HAUS4: variants seen among roughly 807,000 people sequenced by gnomAD.
The protein encoded by HAUS4 is HAUS augmin-like complex subunit 4.
HAUS4 carries 34 observed loss-of-function variants against 50.6 expected under a neutral mutation model. The observed-to-expected ratio is 0.67, with a 90% CI of 0.51 to 0.90. The LOEUF (loss-of-function observed/expected upper bound fraction) is 0.90. Ranked by LOEUF, HAUS4 falls within the 40% of genes least tolerant of loss-of-function variation. HAUS4 has a pLI of 0.00. For missense variants in HAUS4, 370 were observed against 428.7 expected (o/e 0.86, Z 1.21); for synonymous variants, 149 against 161.4 (o/e 0.92, Z 0.58).
chr14:22,948,597 G>A (rs910731601), intron 6 of HAUS4, among the ~76,000 whole-genome samples: 30 of 151,498 alleles, frequency 2.0e-4, no homozygotes, highest in African/African-American at 5.1e-4. Flanking sequence ...GTGCAGTGGC[G>A]CGATCTCAGC....
At position 22,948,562 on chromosome 14, in the gene HAUS4, G is replaced by A. The variant is rs113943705; in HGVS notation, c.563-549C>T. On this transcript the variant is annotated intron_variant, in intron 6 of 9. Transcript: ENST00000541587. ...ATTCTTTTTATTTTTTTGAGACGGAGTCTCTCACTGTCACCTCGGCCGGAG... is the reference window on the plus strand; with the variant it reads ...ATTCTTTTTATTTTTTTGAGACGGAATCTCTCACTGTCACCTCGGCCGGAG... 1.4e-3 allele frequency among the ~76,000 whole-genome samples: 212 copies of A among 151,348 alleles called. 1 individual carries two copies. Among genetic ancestry groups the A allele is most frequent in the African/African-American group, 4.9e-3 (202 of 41,288 alleles).
chr14:22,955,257 T>A lies in HAUS4; in HGVS notation c.-22-81A>T, dbSNP rs2044839153. The A allele has an allele frequency of 3.4e-6, 3 of 877,750 alleles. No homozygotes were observed. In the Middle Eastern group the frequency reaches 6.6e-4, roughly 192 times the overall value. 54.4% of individuals were successfully genotyped at this position (877,750 alleles called of 1,614,324 possible). ...CAAGGACACTACCTTATGTTCAAAT[T>A]TCTGCTGTCCACAAGCTGGAAAGGA... On this transcript the variant is annotated intron_variant, in intron 1 of 9. Coordinates refer to ENST00000541587, the MANE Select transcript of HAUS4 (RefSeq NM_001166269.2).
intron 2 of HAUS4, among the ~76,000 whole-genome samples, chr14:22,953,767 C>T (rs1367634692): frequency 3.3e-5 from 5 of 151,788 alleles, no homozygotes; most frequent in Non-Finnish European, 5.9e-5. Flanking sequence ...ACTACAGGCA[C>T]CCGCCACCAC....
chr14:22,955,490 C>T (rs1437836427), intron 1 of HAUS4: 2 of 225,728 alleles, frequency 8.9e-6, no homozygotes, highest in African/African-American at 2.3e-5. Context: ...GAGGATTCTC[C>T]ACCACCACCA....
chr14:22,948,062 C>T, intron 6 of HAUS4, 49 bp from the exon 7 acceptor site: 2 of 1,517,644 alleles, frequency 1.3e-6, no homozygotes, highest in Non-Finnish European at 1.8e-6. Context: ...TCGCTACAAT[C>T]CCTGTAAAGC....
chr14:22,950,345 G>C lies in HAUS4; in HGVS notation c.531C>G (p.Phe177Leu). The C allele has an allele frequency of 6.2e-7, 1 of 1,611,844 alleles. No individual in the cohort carries two copies. The highest frequency in any genetic ancestry group is 8.5e-7 in the Non-Finnish European group (1 of 1,177,984). ...TGGGATCATAGTAGCAGAGCAGAGT[G>C]AAACATTTCTTTTTGAGCTGCTCCT... Reference protein sequence around the residue: ...EVEEQLKKKCFTLLCYYDPNS... With the variant: ...EVEEQLKKKCLTLLCYYDPNS... The change falls in exon 6 of 10, where the codon TTC becomes TTG. Residue 177 changes from phenylalanine to leucine, a missense_variant. Transcript: ENST00000541587.
In HAUS4 at chr14:22,952,543, G is replaced by A; in HGVS notation, c.196C>T (p.Gln66Ter). ...LSLTLAKEQA[Q>*]AWKEVRLHKT... ...ATCTCTTCTCCCAAAGCCCTTACCT[G>A]AGCCTGCTCCTTTGCTAGGGTGAGG... Residue 66 changes from glutamine to a stop codon, truncating the protein, a stop_gained and splice_region_variant, in exon 3 of 10, where the codon CAG (glutamine) becomes TAG (stop). Transcript: ENST00000541587. LOFTEE classifies it high-confidence loss of function. The A allele has an allele frequency of 6.2e-7, 1 of 1,612,876 alleles. No individual in the cohort carries two copies. The highest frequency in any genetic ancestry group is 1.1e-5 in the South Asian group (1 of 90,960).
In HAUS4 at chr14:22,947,503, G is replaced by A; in HGVS notation, c.839+98C>T. The A allele has an allele frequency of 4.5e-6, 6 of 1,322,232 alleles. No individual in the cohort carries two copies. The South Asian group carries it at 8.1e-5, about 18-fold the overall frequency. 81.9% of individuals were successfully genotyped at this position (1,322,232 alleles called of 1,614,324 possible). A position where few individuals can be genotyped will look rare whatever the true frequency, so the allele number is the denominator to read the frequency against. ...TGTGACATTTACTGGATACCCACAA[G>A]GCGCTAGGATAAGGGAGAGGAAAGA... On this transcript the variant is annotated intron_variant, in intron 8 of 9. Coordinates refer to ENST00000541587, the MANE Select transcript of HAUS4 (RefSeq NM_001166269.2).
chr14:22,948,301 A>T (rs2044681568), intron 6 of HAUS4: 2 of 330,450 alleles, frequency 6.1e-6, no homozygotes, highest in South Asian at 1.1e-4. Context: ...AAATTCTAAA[A>T]TATTAGTTAG....
chr14:22,955,068 T>C (rs1381432376), intron 2 of HAUS4, 32 bp downstream of exon 2: 3 of 1,511,294 alleles, frequency 2.0e-6, no homozygotes, highest in Non-Finnish European at 2.8e-6. Flanking sequence ...TCTGGATAAA[T>C]CATCAAACCT....
At chr14:22,952,780 A>G (rs2044779296) in intron 2 of HAUS4, 97 bp from the exon 3 acceptor site, 1 of 961,796 alleles carries the variant, frequency 1.0e-6, no homozygotes, top group Non-Finnish European at 1.5e-6. Context: ...AAAAACCCCT[A>G]GGATTTTTAT....
At chr14:22,946,956 G>C (rs1343781000) in intron 9 of HAUS4, among the ~76,000 whole-genome samples, 1 of 151,838 alleles carries the variant, frequency 6.6e-6, no homozygotes, top group Non-Finnish European at 1.5e-5. Context: ...GCTAATTTTT[G>C]TATTTTTTAG....
intron 7 of HAUS4, 57 bp from the exon 8 acceptor site, chr14:22,947,788 A>G: frequency 6.2e-7 from 1 of 1,611,368 alleles, no homozygotes; most frequent in Non-Finnish European, 8.5e-7. Context: ...AAAGGAGGGT[A>G]GATCAGGAAT....
chr14:22,955,125 T>C lies in HAUS4; in HGVS notation c.30A>G (p.Gly10=). 6.2e-7 allele frequency: 1 copy of C among 1,612,214 alleles called. No individual in the cohort carries two copies. Among genetic ancestry groups the C allele is most frequent in the Non-Finnish European group, 8.5e-7 (1 of 1,178,218 alleles). ...CTTGTTGAAGTATTTCCATCCCTTCTCCAGGTGAGCAGAAATCCCCGGATG... is the reference window on the plus strand; with the variant it reads ...CTTGTTGAAGTATTTCCATCCCTTCCCCAGGTGAGCAGAAATCCCCGGATG... MASGDFCSP[G]EGMEILQQVC... The change falls in exon 2 of 10, where the codon GGA becomes GGG. Residue 10 remains glycine (G), a synonymous_variant. Transcript: ENST00000541587.
At chr14:22,955,833 G>A (rs1392036288) in intron 1 of HAUS4, among the ~76,000 whole-genome samples, 2 of 152,108 alleles carry the variant, frequency 1.3e-5, no homozygotes, top group Admixed American at 6.6e-5. Context: ...ATGCAAAGGT[G>A]TAATGTGGCT....
In HAUS4 at chr14:22,947,729, C is replaced by G; in HGVS notation, c.711G>C (p.Val237=). The change falls in exon 8 of 10, where the codon GTG becomes GTC. Residue 237 remains valine, a splice_region_variant and synonymous_variant. Coordinates refer to ENST00000541587, the MANE Select transcript of HAUS4 (RefSeq NM_001166269.2). The part of the protein sequence containing the change: ...LEKKSAAYSQ[V]LLRCLTLLQR... ...GCAGCAAAGTGAGGCAGCGGAGAAG[C>G]ACCTGAGCCCAAGATGGAGGAAGAA... 2 of 1,614,018 alleles carry G rather than the reference C, an allele frequency of 1.2e-6. No homozygotes were observed. The highest frequency in any genetic ancestry group is 1.7e-6 in the Non-Finnish European group (2 of 1,180,034).
chr14:22,948,207 G>T (rs1033457484), intron 6 of HAUS4, 194 bp from the exon 7 acceptor site: 36 of 569,788 alleles, frequency 6.3e-5, no homozygotes, highest in Non-Finnish European at 1.1e-4. Flanking sequence ...CTAGCACTTT[G>T]GGAGGCCAAG....
chr14:22,953,136 G>A (rs532841439), intron 2 of HAUS4, among the ~76,000 whole-genome samples: 88 of 152,096 alleles, frequency 5.8e-4, no homozygotes, highest in African/African-American at 2.0e-3. Context: ...TAAGTTAAAC[G>A]TTCAACTAAC....
rs1320570967 is a variant in HAUS4 at position 22,952,640 on chromosome 14, G to A, written c.99C>T (p.Asp33=). Residue 33 remains aspartate (D), a synonymous_variant, in exon 3 of 10, where the codon GAC becomes GAT. Coordinates refer to ENST00000541587, the MANE Select transcript of HAUS4 (RefSeq NM_001166269.2). The stretch of plus-strand genomic sequence containing the variant: ...TGCTGAAGTATGGGTTCTGTAACAG[G>A]TCCTCTTTACTCAGGTTACAAGGAG... ...QLPPCNLSKE[D]LLQNPYFSKL... The A allele has an allele frequency of 6.2e-7, 1 of 1,612,930 alleles. No individual in the cohort carries two copies. The highest frequency in any genetic ancestry group is 1.7e-5 in the Admixed American group (1 of 59,760).
Sources: allele counts gnomAD v4.1 joint callset (sites outside exome capture counted in the v4.1 genomes callset), GRCh38; gene constraint gnomAD v4.1.1; transcripts MANE v1.5; gene names NCBI Gene and HGNC (gene_info 2026-07-23, HGNC 2026-07-21).